Variants in LEMD2 observed in about 807,000 individuals in gnomAD.
LEMD2 encodes LEM domain nuclear envelope protein 2.
Under a neutral mutation model 58.8 loss-of-function variants are expected in LEMD2, and 34 were observed. That is an observed-to-expected ratio of 0.58 (90% CI 0.44 to 0.77). The LOEUF is 0.77. Ranked by LOEUF, LEMD2 falls within the 30% of genes least tolerant of loss-of-function variation. The probability of loss-of-function intolerance (pLI) is 0.00; values close to 1 mark genes in which losing one functional copy is unlikely to be tolerated. For missense variants in LEMD2, 629 were observed against 717.9 expected, an observed-to-expected ratio of 0.88 and a Z score of 1.42; for synonymous variants, 298 against 308.9, an observed-to-expected ratio of 0.96 and a Z score of 0.37.
chr6:33,774,300 T>C (rs959250165), intron 8 of LEMD2, among the ~76,000 whole-genome samples: 2 of 151,458 alleles, frequency 1.3e-5, no homozygotes, highest in Non-Finnish European at 2.9e-5. Context: ...GCCTCCCGAG[T>C]AGCTGGGACT....
intron 1 of LEMD2, chr6:33,787,032 A>T (rs1767693069): frequency 3.3e-6 from 2 of 609,600 alleles, no homozygotes; most frequent in Admixed American, 3.8e-5. Context: ...TGGGCAACTC[A>T]ACCACTCTGA....
intron 2 of LEMD2, among the ~76,000 whole-genome samples, chr6:33,785,462 G>C (rs1767656309): frequency 6.6e-6 from 1 of 152,202 alleles, no homozygotes; most frequent in Non-Finnish European, 1.5e-5. Flanking sequence ...AGGACCTGGA[G>C]GGTACCTGTC....
At position 33,778,608 on chromosome 6, in the gene LEMD2, A is replaced by G. The variant is rs1582255857; in HGVS notation, c.1011-221T>C. ...AAGACGGCAGCAGGCTTGAACCCCT[A>G]CCGCTAAAGCAACGTCCCCCTGTCA... On this transcript the variant is annotated intron_variant, in intron 5 of 8. Transcript: ENST00000293760. This position sits in a 1 kb window ranked among gnomAD's most constrained non-coding sequence, Gnocchi z 4.7. 2 of 383,430 alleles carry G rather than the reference A, an allele frequency of 5.2e-6. No homozygotes were observed. The highest frequency in any genetic ancestry group is 9.2e-6 in the Non-Finnish European group (2 of 216,680). The allele number at this position is 383,430 out of a possible 1,614,324, so 23.8% of individuals were successfully genotyped here. A position where few individuals can be genotyped will look rare whatever the true frequency, so the allele number is the denominator to read the frequency against.
chr6:33,786,125 T>C (rs1438171540), intron 2 of LEMD2, among the ~76,000 whole-genome samples: 2 of 152,206 alleles, frequency 1.3e-5, no homozygotes, highest in Non-Finnish European at 2.9e-5. Flanking sequence ...CTGCCCCATA[T>C]CTTCTCCAGA....
intron 5 of LEMD2, chr6:33,779,211 C>G (rs933343923): frequency 1.3e-5 from 2 of 151,922 alleles, no homozygotes; most frequent in Non-Finnish European, 2.9e-5. Flanking sequence ...AATCCGTATT[C>G]TCCTCCGCCT....
At chr6:33,784,477 G>GGGGGGGGGGGGCCCC in intron 2 of LEMD2, 50 bp from the exon 3 acceptor site, 1 of 430,804 alleles carries the variant, frequency 2.3e-6, no homozygotes, top group East Asian at 7.6e-5. Flanking sequence ...GGTGGGAGGG[G>GGGGGGGGGGGGCCCC]TCCGTCTGTC....
chr6:33,780,380 T>C, intron 4 of LEMD2: 1 of 600,190 alleles, frequency 1.7e-6, no homozygotes, highest in Non-Finnish European at 3.0e-6. Context: ...GAGGAGGTGA[T>C]GCGGAAGCAC....
At position 33,772,649 on chromosome 6, in the gene LEMD2, G is replaced by A; in HGVS notation, c.1491C>T (p.Ser497=). The A allele has an allele frequency of 6.2e-7, 1 of 1,613,976 alleles. No individual in the cohort carries two copies. Among genetic ancestry groups the A allele is most frequent in the Non-Finnish European group, 8.5e-7 (1 of 1,179,980 alleles). ...MLVWRWTKPS[S]FSDSER is the part of the protein sequence containing the mutation. ...GGGCTTATCGCTCTGAGTCAGAGAA[G>A]GAAGAGGGCTTAGTCCATCTCCACA... The change falls in exon 9 of 9, where the codon TCC becomes TCT. Residue 497 remains serine (S), a synonymous_variant. Coordinates refer to ENST00000293760, the MANE Select transcript of LEMD2 (RefSeq NM_181336.4).
At chr6:33,775,631 C>T (rs1274666292) in intron 8 of LEMD2, among the ~76,000 whole-genome samples, 1 of 152,164 alleles carries the variant, frequency 6.6e-6, no homozygotes, top group Non-Finnish European at 1.5e-5. Flanking sequence ...GGACTGCTAA[C>T]GGCTCTATTT....
intron 8 of LEMD2, among the ~76,000 whole-genome samples, chr6:33,773,513 C>T (rs554454959): frequency 6.7e-6 from 1 of 150,048 alleles, no homozygotes; most frequent in East Asian, 2.1e-4. Flanking sequence ...TGACACCACA[C>T]GTGGAAAGAC....
chr6:33,784,548 T>C, intron 2 of LEMD2, 121 bp from the exon 3 acceptor site: 1 of 675,756 alleles, frequency 1.5e-6, no homozygotes, highest in Non-Finnish European at 2.6e-6. Context: ...CTCATACTTT[T>C]ACAAAATAGA....
At position 33,788,795 on chromosome 6, in the gene LEMD2, G is replaced by A. The variant is rs764855004; in HGVS notation, c.322C>T (p.Arg108Trp). 1 of 1,452,966 alleles carries A rather than the reference G, an allele frequency of 6.9e-7. No homozygotes were observed. Among genetic ancestry groups the A allele is most frequent in the Admixed American group, 2.5e-5 (1 of 40,566 alleles). 90.0% of individuals were successfully genotyped at this position (1,452,966 alleles called of 1,614,324 possible). A position where few individuals can be genotyped will look rare whatever the true frequency, so the allele number is the denominator to read the frequency against. The change falls in exon 1 of 9, where the codon CGG (arginine) becomes TGG (tryptophan). Residue 108 changes from arginine (R) to tryptophan (W), a missense_variant. Physicochemically the swap from Arg to Trp is moderately radical, Grantham distance 101. Transcript: ENST00000293760. ...YATPGAYGDI[R>W]PSAASWVGSR... ...CCTACCCAGGAAGCCGCGGAGGGCCGGATATCACCGTAGGCCCCAGGGGTC... is the reference window on the plus strand; with the variant it reads ...CCTACCCAGGAAGCCGCGGAGGGCCAGATATCACCGTAGGCCCCAGGGGTC...
rs1485648871 is a variant in LEMD2, at chr6:33,788,847, G to C, written c.270C>G (p.Ser90=). Residue 90 remains serine (S), a synonymous_variant, in exon 1 of 9, where the codon TCC becomes TCG. Transcript: ENST00000293760. ...CGTAGGCCGAGCCCGAGGCCGGCTGGGAGAGCCAGGGCTCCGCCCGCGGAG... is the reference window on the plus strand; with the variant it reads ...CGTAGGCCGAGCCCGAGGCCGGCTGCGAGAGCCAGGGCTCCGCCCGCGGAG... The part of the protein sequence containing the change: ...AASPRAEPWL[S]QPASGSAYAT... The C allele has an allele frequency of 4.3e-6, 6 of 1,402,968 alleles. No homozygotes were observed. Among genetic ancestry groups the C allele is most frequent in the Non-Finnish European group, 5.5e-6 (6 of 1,083,390 alleles). The allele number at this position is 1,402,968 out of a possible 1,614,324, so 86.9% of individuals were successfully genotyped here.
chr6:33,776,753 T>A (rs1561923011), intron 8 of LEMD2: 5 of 604,852 alleles, frequency 8.3e-6, no homozygotes, highest in Non-Finnish European at 1.2e-5. Flanking sequence ...TGTGCTTTCA[T>A]ATGTCTTTTC....
chr6:33,773,459 G>A (rs552997385), intron 8 of LEMD2, among the ~76,000 whole-genome samples: 1 of 152,160 alleles, frequency 6.6e-6, no homozygotes, highest in Non-Finnish European at 1.5e-5. Context: ...GCATGGTATT[G>A]CACAGCCCCC....
At chr6:33,775,354 G>A (rs1213643630) in intron 8 of LEMD2, among the ~76,000 whole-genome samples, 1 of 152,120 alleles carries the variant, frequency 6.6e-6, no homozygotes, top group Non-Finnish European at 1.5e-5. Context: ...GTCTTGCTCT[G>A]TTGTCCAGGC....
rs536837011 is a variant in LEMD2 at position 33,774,703 on chromosome 6, T to C, written c.1362-1925A>G. Among the ~76,000 whole-genome samples the C allele has an allele frequency of 4.6e-5, 7 of 152,318 alleles. No individual in the cohort carries two copies. The East Asian group carries it at 1.2e-3, about 25-fold the overall frequency. On this transcript the variant is annotated intron_variant, in intron 8 of 8. Transcript: ENST00000293760. ...CCTTGGCCTCCCAAAGTACTGAGAT[T>C]ACAGGCATGAGCCACCGTGCCTGGC...
chr6:33,784,150 T>A (rs1466982404), intron 3 of LEMD2, among the ~76,000 whole-genome samples: 2 of 152,254 alleles, frequency 1.3e-5, no homozygotes, highest in African/African-American at 4.8e-5. Flanking sequence ...GAATCAAATA[T>A]GTTTTGTTCA....
intron 6 of LEMD2, among the ~76,000 whole-genome samples, chr6:33,777,566 T>C (rs57657732): frequency 0.032 from 4,930 of 152,246 alleles, 220 homozygotes; most frequent in African/African-American, 0.098. Flanking sequence ...CATATATACA[T>C]GCCGGGGCCC....
Sources: allele counts gnomAD v4.1 joint callset (sites outside exome capture counted in the v4.1 genomes callset), GRCh38; gene constraint gnomAD v4.1.1; non-coding constraint Gnocchi (gnomAD v3.1); transcripts MANE v1.5; gene names NCBI Gene and HGNC (gene_info 2026-07-23, HGNC 2026-07-21).